Variants in DCDC1 observed in about 807,000 individuals in gnomAD.
DCDC1 encodes doublecortin domain-containing protein 1.
A neutral mutation model predicts 178.3 loss-of-function variants in DCDC1; 200 were observed. That is an observed-to-expected ratio of 1.12 (90% CI 1.00 to 1.26). The LOEUF (loss-of-function observed/expected upper bound fraction) is 1.26. Among genes scored for constraint, DCDC1 ranks in the 50% most tolerant of loss-of-function variants. The probability of loss-of-function intolerance (pLI) is 0.00; values close to 1 mark genes in which losing one functional copy is unlikely to be tolerated. For missense variants in DCDC1, 1,983 were observed against 1,749.2 expected, an observed-to-expected ratio of 1.13 and a Z score of -2.38; for synonymous variants, 690 against 604.8, an observed-to-expected ratio of 1.14 and a Z score of -2.07.
At chr11:31,287,142 C>T (rs1468770902) in intron 7 of DCDC1, among the ~76,000 whole-genome samples, 2 of 151,730 alleles carry the variant, frequency 1.3e-5, no homozygotes, top group East Asian at 1.9e-4. Flanking sequence ...GGAGGAGTAA[C>T]TCATATTTAA....
At chr11:30,925,785 C>A (rs1215050919) in intron 22 of DCDC1, among the ~76,000 whole-genome samples, 2 of 152,128 alleles carry the variant, frequency 1.3e-5, no homozygotes, top group Non-Finnish European at 2.9e-5. Context: ...TGCCTGCGTT[C>A]TTTCTCCTAC....
Position 31,232,530 on chromosome 11 carries a change from C to T in DCDC1, c.1221+8920G>A, listed in dbSNP as rs1975910977. 2.0e-5 allele frequency among the ~76,000 whole-genome samples: 3 copies of T among 152,108 alleles called. No individual in the cohort carries two copies. The South Asian group carries it at 6.2e-4, about 32-fold the overall frequency. The stretch of plus-strand genomic sequence containing the variant: ...CGCTGATATCCTTTTTTAAAAATCA[C>T]ATATAACCTGCTTGAAATCTTGTTC... On this transcript the variant is annotated intron_variant, in intron 9 of 38. Coordinates refer to ENST00000684477, the MANE Select transcript of DCDC1 (RefSeq NM_001387274.1).
chr11:31,014,691 T>C (rs970020401), intron 20 of DCDC1, among the ~76,000 whole-genome samples: 32 of 152,196 alleles, frequency 2.1e-4, no homozygotes, highest in African/African-American at 7.2e-4. Context: ...CCATGGTGTT[T>C]ACCAATCACT....
intron 9 of DCDC1, among the ~76,000 whole-genome samples, chr11:31,169,958 G>T (rs1453199579): frequency 6.6e-6 from 1 of 152,202 alleles, no homozygotes; most frequent in Non-Finnish European, 1.5e-5. Context: ...GAAAATGTGG[G>T]ATGCATGTGG....
intron 1 of DCDC1, among the ~76,000 whole-genome samples, chr11:31,358,726 TCAAA>T (rs1295883723): frequency 6.6e-6 from 1 of 151,698 alleles, no homozygotes; most frequent in African/African-American, 2.4e-5. Flanking sequence ...CACAAAGAAC[TCAAA>T]CAAATTTACA....
intron 38 of DCDC1, among the ~76,000 whole-genome samples, chr11:30,871,087 G>A (rs1228812010): frequency 1.3e-5 from 2 of 152,294 alleles, no homozygotes; most frequent in African/African-American, 4.8e-5. Context: ...TCAACCTTCT[G>A]TTAGAAGACA....
At chr11:30,927,007 T>C (rs1360438475) in intron 22 of DCDC1, among the ~76,000 whole-genome samples, 1 of 152,090 alleles carries the variant, frequency 6.6e-6, no homozygotes, top group East Asian at 1.9e-4. Context: ...AGCTAATCAC[T>C]TGCCAGGACA....
At chr11:31,175,133 T>A (rs1373616772) in intron 9 of DCDC1, among the ~76,000 whole-genome samples, 1 of 152,160 alleles carries the variant, frequency 6.6e-6, no homozygotes, top group Non-Finnish European at 1.5e-5. Flanking sequence ...TGAGGCACAG[T>A]GGTGTCTGGC....
At chr11:31,017,069 G>A (rs1217795894) in intron 20 of DCDC1, among the ~76,000 whole-genome samples, 3 of 152,126 alleles carry the variant, frequency 2.0e-5, no homozygotes, top group African/African-American at 7.2e-5. Context: ...GCTAATTGAT[G>A]CAGATACTAC....
intron 11 of DCDC1, among the ~76,000 whole-genome samples, chr11:31,124,467 A>G (rs995856348): frequency 2.0e-5 from 3 of 152,180 alleles, no homozygotes; most frequent in Non-Finnish European, 4.4e-5. Flanking sequence ...AAGAGCTTGT[A>G]CACTCAGGAC....
chr11:31,201,528 T>C (rs192635004), intron 9 of DCDC1, among the ~76,000 whole-genome samples: 4 of 152,196 alleles, frequency 2.6e-5, no homozygotes, highest in Admixed American at 2.6e-4. Context: ...GAATAGCTTC[T>C]TAAAGTCTCT....
chr11:31,230,120 C>T (rs961222844), intron 9 of DCDC1, among the ~76,000 whole-genome samples: 4 of 152,030 alleles, frequency 2.6e-5, no homozygotes, highest in Admixed American at 1.3e-4. Context: ...AAAAATTCCA[C>T]ACAAAAATCT....
chr11:30,991,764 T>C (rs1951000748), intron 20 of DCDC1, among the ~76,000 whole-genome samples: 2 of 152,202 alleles, frequency 1.3e-5, no homozygotes, highest in Admixed American at 1.3e-4. Context: ...CCAATAAACA[T>C]ACAAGTAAAT....
At chr11:31,321,832 T>C (rs1949379478) in intron 3 of DCDC1, among the ~76,000 whole-genome samples, 1 of 152,096 alleles carries the variant, frequency 6.6e-6, no homozygotes, top group Non-Finnish European at 1.5e-5. Flanking sequence ...AATTGTCAGG[T>C]GAAAGAGAGA....
At chr11:30,865,629 C>A (rs571472748) in intron 38 of DCDC1, among the ~76,000 whole-genome samples, 1 of 152,132 alleles carries the variant, frequency 6.6e-6, no homozygotes, top group Non-Finnish European at 1.5e-5. Context: ...TCTGAACTAT[C>A]TGGCCAGGCA....
At chr11:31,365,289 T>C (rs1431690748) in intron 1 of DCDC1, among the ~76,000 whole-genome samples, 1 of 152,184 alleles carries the variant, frequency 6.6e-6, no homozygotes, top group Non-Finnish European at 1.5e-5. Context: ...GTGGTTTTTC[T>C]ATCTTCCCAG....
intron 20 of DCDC1, among the ~76,000 whole-genome samples, chr11:31,045,620 C>T (rs1176682165): frequency 1.3e-5 from 2 of 152,148 alleles, no homozygotes; most frequent in African/African-American, 2.4e-5. Flanking sequence ...AACACTTGCT[C>T]TCTAGTTCTA....
intron 9 of DCDC1, among the ~76,000 whole-genome samples, chr11:31,217,777 T>C (rs1973766064): frequency 6.6e-6 from 1 of 152,134 alleles, no homozygotes; most frequent in South Asian, 2.1e-4. Context: ...GCTAATAAGA[T>C]TTTCTTTCTA....
intron 20 of DCDC1, among the ~76,000 whole-genome samples, chr11:30,958,660 C>T (rs1261141134): frequency 5.3e-5 from 8 of 152,084 alleles, no homozygotes; most frequent in Admixed American, 3.9e-4. Flanking sequence ...TACATGGGTT[C>T]AGAAACCAAT....
Sources: allele counts gnomAD v4.1 joint callset (sites outside exome capture counted in the v4.1 genomes callset), GRCh38; gene constraint gnomAD v4.1.1; transcripts MANE v1.5; gene names NCBI Gene and HGNC (gene_info 2026-07-23, HGNC 2026-07-21).